Variants in STK3 observed in about 807,000 individuals in gnomAD.
The protein encoded by STK3 is serine/threonine-protein kinase 3.
A neutral mutation model predicts 58.0 loss-of-function variants in STK3; 41 were observed. That is an observed-to-expected ratio of 0.71 (90% CI 0.55 to 0.92). The LOEUF is 0.92. Ranked by LOEUF, STK3 falls within the 40% of genes least tolerant of loss-of-function variation. STK3 has a pLI of 0.00. For missense variants in STK3, 479 were observed against 602.7 expected (o/e 0.79, Z 2.15); for synonymous variants, 170 against 191.0 (o/e 0.89, Z 0.91).
intron 2 of STK3, among the ~76,000 whole-genome samples, chr8:98,768,073 G>A (rs1167646981): frequency 6.6e-6 from 1 of 152,108 alleles, no homozygotes; most frequent in Non-Finnish European, 1.5e-5. Flanking sequence ...AAACAAAGAA[G>A]GAAGAAGCCA....
rs1388553228 is a variant in STK3 at position 98,429,327 on chromosome 8, C to T, written n.483+4800G>A. On this transcript the variant is annotated intron_variant and non_coding_transcript_variant, in intron 3 of 3. Coordinates refer to the STK3 transcript ENST00000517832. The stretch of plus-strand genomic sequence containing the variant: ...GGTCAATTTAAGGGACTATTATGCC[C>T]ATAAAGTTAAATCCCTTATGGCAAG... The T allele has an allele frequency of 5.6e-6, 9 of 1,614,150 alleles. No individual in the cohort carries two copies. The highest frequency in any genetic ancestry group is 1.6e-4 in the Middle Eastern group (1 of 6,062).
chr8:98,454,465 G>A (rs531144031), downstream of STK3, among the ~76,000 whole-genome samples: 6 of 152,148 alleles, frequency 3.9e-5, no homozygotes, highest in Non-Finnish European at 8.8e-5. Context: ...TGCCAAACTG[G>A]GGTGGGCCTG....
At chr8:98,354,847 G>A in the STK3 span, among the ~76,000 whole-genome samples, 1 of 152,136 alleles carries the variant, frequency 6.6e-6, no homozygotes, top group African/African-American at 2.4e-5. Flanking sequence ...GTGCAATCTC[G>A]CCTCAATGCA....
intron 10 of STK3, among the ~76,000 whole-genome samples, chr8:98,473,190 T>G (rs1265210331): frequency 6.6e-6 from 1 of 152,176 alleles, no homozygotes. Context: ...AAATTCTTTC[T>G]GAATATAAGC....
chr8:98,366,782 ATGTCCAACATCAGCCTCCCCAGTTT>A (rs1817569089), downstream of STK3, among the ~76,000 whole-genome samples: 1 of 150,260 alleles, frequency 6.7e-6, no homozygotes, highest in Non-Finnish European at 1.5e-5. Context: ...CCTGACTCCC[ATGTCCAACATCAGCCTCCCCAGTTT>A]TGCCCCACAC....
chr8:98,504,038 T>A (rs1037648812), intron 10 of STK3, among the ~76,000 whole-genome samples: 1 of 152,200 alleles, frequency 6.6e-6, no homozygotes, highest in Non-Finnish European at 1.5e-5. Flanking sequence ...TTTGTAGGTC[T>A]CTAAGGACTT....
At chr8:98,742,069 T>G (rs1413197023) in intron 4 of STK3, among the ~76,000 whole-genome samples, 1 of 151,626 alleles carries the variant, frequency 6.6e-6, no homozygotes, top group East Asian at 1.9e-4. Flanking sequence ...TAACAGGCTC[T>G]GAAATTGTGG....
intron 3 of STK3, among the ~76,000 whole-genome samples, chr8:98,869,032 AAGGAAGGAAG>A (rs1837254557): frequency 1.1e-5 from 1 of 94,102 alleles, no homozygotes; most frequent in African/African-American, 3.3e-5. Context: ...AGAAGGAAGG[AAGGAAGGAAG>A]GAAGGAAGGA....
chr8:98,777,674 C>T (rs557623874), intron 1 of STK3, among the ~76,000 whole-genome samples: 3 of 152,248 alleles, frequency 2.0e-5, no homozygotes, highest in East Asian at 1.9e-4. Flanking sequence ...TAGGAAATCA[C>T]GTCACTTTAT....
At chr8:98,840,137 A>G (rs1026719236) in intron 3 of STK3, among the ~76,000 whole-genome samples, 3 of 152,066 alleles carry the variant, frequency 2.0e-5, no homozygotes, top group Admixed American at 2.0e-4. Context: ...ACTTGAGGCC[A>G]GGAGTTCAAG....
rs1267500292 is a variant in STK3 at position 98,651,148 on chromosome 8, C to T, written c.685-54979G>A. Among the ~76,000 whole-genome samples, 6 of 152,334 alleles carry T rather than the reference C, an allele frequency of 3.9e-5. No homozygotes were observed. The East Asian group carries it at 9.7e-4, about 25-fold the overall frequency. On this transcript the variant is annotated intron_variant, in intron 6 of 10. Transcript: ENST00000419617. ...CGGGTACTCCTCTGAGACAAAACTT[C>T]CAGAGGAACGATCAGACAGCAGCAT... is the stretch of plus-strand genomic sequence containing the variant.
intron 1 of STK3, among the ~76,000 whole-genome samples, chr8:98,893,486 G>GAGAGAAAGAA (rs1838312484): frequency 1.9e-4 from 8 of 42,996 alleles, no homozygotes; most frequent in African/African-American, 8.7e-4. Context: ...AAGAAAGAAA[G>GAGAGAAAGAA]AGAAAGAAAG....
At chr8:98,814,350 ATTTT>A (rs34675136) in intron 1 of STK3, among the ~76,000 whole-genome samples, 16 of 134,902 alleles carry the variant, frequency 1.2e-4, no homozygotes, top group African/African-American at 3.9e-4. Flanking sequence ...CGCGCCCAGC[ATTTT>A]TTTTTTTTTT....
chr8:98,646,559 C>T (rs1468587516), intron 6 of STK3, among the ~76,000 whole-genome samples: 1 of 152,182 alleles, frequency 6.6e-6, no homozygotes, highest in Non-Finnish European at 1.5e-5. Flanking sequence ...CAAACACATA[C>T]ACATGCAAAC....
At chr8:98,348,225 A>G in the STK3 span, among the ~76,000 whole-genome samples, 1 of 152,366 alleles carries the variant, frequency 6.6e-6, no homozygotes, top group African/African-American at 2.4e-5. Context: ...ATGGAACTAG[A>G]CAAAGACTTT....
chr8:98,549,241 A>G (rs532126263), intron 8 of STK3, among the ~76,000 whole-genome samples: 1 of 152,266 alleles, frequency 6.6e-6, no homozygotes, highest in African/African-American at 2.4e-5. Context: ...CAGGATTCCA[A>G]CTTCTCCACA....
intron 3 of STK3, among the ~76,000 whole-genome samples, chr8:98,842,422 T>C (rs542248552): frequency 1.7e-4 from 26 of 152,230 alleles, no homozygotes; most frequent in African/African-American, 5.5e-4. Context: ...ACACCTATAA[T>C]CCCAACACTT....
chr8:98,354,768 G>T, the STK3 span, among the ~76,000 whole-genome samples: 2 of 152,082 alleles, frequency 1.3e-5, no homozygotes, highest in African/African-American at 4.8e-5. Flanking sequence ...ACTTTTGCAG[G>T]AGTGTGAGTA....
At chr8:98,629,476 C>T (rs568618213) in intron 6 of STK3, among the ~76,000 whole-genome samples, 107 of 152,286 alleles carry the variant, frequency 7.0e-4, no homozygotes, top group African/African-American at 2.3e-3. Flanking sequence ...GAACCCTAAA[C>T]ACTACTTTAG....
Sources: gnomAD v4.1 joint callset for allele counts (sites outside exome capture counted in the v4.1 genomes callset) on GRCh38, gnomAD v4.1.1 for gene constraint, MANE v1.5 for transcripts, NCBI Gene and HGNC (gene_info 2026-07-23, HGNC 2026-07-21) for gene names.